The following DNAH6 variants were observed in gnomAD, a reference collection of about 807,000 sequenced individuals.
The protein encoded by DNAH6 is dynein axonemal heavy chain 6.
In DNAH6, 340 loss-of-function variants were observed where a neutral mutation model predicts 491.4. The observed-to-expected ratio is 0.69, with a 90% CI of 0.63 to 0.76. DNAH6 has a LOEUF of 0.76. Among genes scored for constraint, DNAH6 ranks in the 30% least tolerant of loss-of-function variants. The pLI is 0.00. For missense variants in DNAH6, 4,443 were observed against 4,972.2 expected (o/e 0.89, Z 3.20); for synonymous variants, 1,603 against 1,686.1 (o/e 0.95, Z 1.21).
chr2:84,588,257 G>T (rs542158933), intron 15 of DNAH6, among the ~76,000 whole-genome samples: 1 of 152,288 alleles, frequency 6.6e-6, no homozygotes, highest in Non-Finnish European at 1.5e-5. Context: ...CCTGAGCTAT[G>T]GCTATAAAGG....
At chr2:84,747,823 C>T (rs1376228296) in intron 63 of DNAH6, among the ~76,000 whole-genome samples, 1 of 152,180 alleles carries the variant, frequency 6.6e-6, no homozygotes, top group Admixed American at 6.5e-5. Flanking sequence ...GTGGATGCTG[C>T]CAAGCCTCCT....
At chr2:84,575,958 A>G (rs1021438241) in intron 12 of DNAH6, among the ~76,000 whole-genome samples, 3 of 152,230 alleles carry the variant, frequency 2.0e-5, no homozygotes, top group Admixed American at 6.5e-5. Flanking sequence ...CTATGTGGCC[A>G]TAGCCAAGTC....
intron 61 of DNAH6, among the ~76,000 whole-genome samples, chr2:84,731,217 C>T (rs1209920535): frequency 6.6e-6 from 1 of 152,180 alleles, no homozygotes; most frequent in African/African-American, 2.4e-5. Context: ...GCTAAGAGCA[C>T]AGGGCTCCTG....
chr2:84,595,627 G>A lies in DNAH6; in HGVS notation c.2725-19G>A. On this transcript the variant is annotated intron_variant, in intron 17 of 76. Coordinates refer to ENST00000389394, the MANE Select transcript of DNAH6 (RefSeq NM_001370.2). Reference sequence around the variant, plus strand: ...TTTATGTTTTAACTTGTTTTGCTTTGTTTTTAAATTTTTCATAGTCCAAAT... The same window carrying A: ...TTTATGTTTTAACTTGTTTTGCTTTATTTTTAAATTTTTCATAGTCCAAAT... 1 of 1,514,634 alleles carries A rather than the reference G, an allele frequency of 6.6e-7. No homozygotes were observed. Among genetic ancestry groups the A allele is most frequent in the Non-Finnish European group, 8.8e-7 (1 of 1,133,224 alleles). The allele number at this position is 1,514,634 out of a possible 1,614,324, so 93.8% of individuals were successfully genotyped here.
intron 35 of DNAH6, 49 bp downstream of exon 35, chr2:84,654,831 G>A: frequency 6.5e-7 from 1 of 1,543,328 alleles, no homozygotes; most frequent in Non-Finnish European, 8.8e-7. Flanking sequence ...CAGGACTCAT[G>A]TTGCCTTCTA....
chr2:84,640,802 G>C (rs1689321218), intron 32 of DNAH6, among the ~76,000 whole-genome samples: 1 of 152,200 alleles, frequency 6.6e-6, no homozygotes, highest in African/African-American at 2.4e-5. Context: ...GTCCTCGACA[G>C]AAAATGATCC....
At chr2:84,784,222 G>A (rs748451810) in intron 65 of DNAH6, among the ~76,000 whole-genome samples, 2 of 152,204 alleles carry the variant, frequency 1.3e-5, no homozygotes, top group East Asian at 1.9e-4. Flanking sequence ...TTGACTTAAC[G>A]TGCTAATGCC....
chr2:84,762,720 A>G (rs2105135171), intron 63 of DNAH6, 35 bp from the exon 64 acceptor site: 1 of 1,453,600 alleles, frequency 6.9e-7, no homozygotes, highest in Non-Finnish European at 9.4e-7. Flanking sequence ...AAGGATCCTC[A>G]TTCAACATAC....
At chr2:84,593,400 G>A (rs1684288673) in intron 16 of DNAH6, among the ~76,000 whole-genome samples, 1 of 152,164 alleles carries the variant, frequency 6.6e-6, no homozygotes, top group South Asian at 2.1e-4. Context: ...CCCCAGCGTT[G>A]AACCAAGGCA....
intron 54 of DNAH6, among the ~76,000 whole-genome samples, chr2:84,708,538 AAGGAAGGAAGG>A (rs1430172853): frequency 4.1e-5 from 6 of 146,854 alleles, no homozygotes; most frequent in Admixed American, 1.4e-4. Context: ...AAAAAGAAAG[AAGGAAGGAAGG>A]AGGAAGGAAG....
intron 59 of DNAH6, among the ~76,000 whole-genome samples, chr2:84,720,734 T>C (rs553908093): frequency 2.4e-4 from 36 of 152,294 alleles, no homozygotes; most frequent in African/African-American, 8.4e-4. Flanking sequence ...CTCCCAAAAT[T>C]CGTTGATATT....
intron 70 of DNAH6, among the ~76,000 whole-genome samples, chr2:84,803,115 AG>A (rs1679085178): frequency 6.6e-6 from 1 of 152,250 alleles, no homozygotes; most frequent in Admixed American, 6.5e-5. Flanking sequence ...AGGTATTAAT[AG>A]AAAGACCTCA....
At chr2:84,639,050 T>G (rs752676562) in intron 31 of DNAH6, among the ~76,000 whole-genome samples, 2 of 152,152 alleles carry the variant, frequency 1.3e-5, no homozygotes, top group Non-Finnish European at 2.9e-5. Context: ...CACTGGGAAT[T>G]ATAATCCAAT....
rs536573327 is a variant in DNAH6 at position 84,521,678 on chromosome 2, A to C, written c.225+3627A>C. Among the ~76,000 whole-genome samples the C allele has an allele frequency of 2.6e-3, 394 of 152,050 alleles. 1 individual carries two copies. Among genetic ancestry groups the C allele is most frequent in the Non-Finnish European group, 4.9e-3 (332 of 67,896 alleles). On this transcript the variant is annotated intron_variant, in intron 2 of 76. Transcript: ENST00000389394. ...GGTGTAAGGAAAGGGTCCATTTTTA[A>C]TCTTCTGCATATGGGTAGCCAGTTA...
At chr2:84,614,944 C>G (rs1005083679) in intron 22 of DNAH6, among the ~76,000 whole-genome samples, 1 of 151,994 alleles carries the variant, frequency 6.6e-6, no homozygotes, top group East Asian at 1.9e-4. Context: ...TGTACAGATT[C>G]TGAAGATTTT....
intron 33 of DNAH6, among the ~76,000 whole-genome samples, chr2:84,649,294 A>G (rs1464489999): frequency 1.3e-5 from 2 of 152,190 alleles, no homozygotes; most frequent in African/African-American, 4.8e-5. Context: ...GGATGCTTAT[A>G]TATAAATATA....
chr2:84,589,086 T>C, intron 16 of DNAH6, 132 bp downstream of exon 16: 1 of 767,616 alleles, frequency 1.3e-6, no homozygotes, highest in Non-Finnish European at 1.9e-6. Flanking sequence ...ATGCTACAAA[T>C]AGTCTCAAAT....
Position 84,653,334 on chromosome 2 carries a change from C to T in DNAH6, c.5094C>T (p.Asp1698=). 7.2e-6 allele frequency: 11 copies of T among 1,533,036 alleles called. No individual in the cohort carries two copies. Among genetic ancestry groups the T allele is most frequent in the Non-Finnish European group, 9.7e-6 (11 of 1,136,474 alleles). 95.0% of individuals were successfully genotyped at this position (1,533,036 alleles called of 1,614,324 possible). A position where few individuals can be genotyped will look rare whatever the true frequency, so the allele number is the denominator to read the frequency against. ...DALLFSGIIS[D]LFPGVQIPEH... is the part of the protein sequence containing the mutation. ...GTTTTGACAGTGGAATCATATCTGA[C>T]CTTTTTCCTGGAGTCCAAATTCCAG... The change falls in exon 34 of 77, where the codon GAC becomes GAT. Residue 1698 remains aspartate (D), a synonymous_variant. Coordinates refer to ENST00000389394, the MANE Select transcript of DNAH6 (RefSeq NM_001370.2).
At chr2:84,591,355 TATC>T (rs756451002) in intron 16 of DNAH6, among the ~76,000 whole-genome samples, 4 of 152,052 alleles carry the variant, frequency 2.6e-5, no homozygotes, top group South Asian at 4.2e-4. Flanking sequence ...GCATAAAAAA[TATC>T]ATGCCATTTA....
Sources: allele counts gnomAD v4.1 joint callset (sites outside exome capture counted in the v4.1 genomes callset), GRCh38; gene constraint gnomAD v4.1.1; transcripts MANE v1.5; gene names NCBI Gene and HGNC (gene_info 2026-07-23, HGNC 2026-07-21).